PNOC: variants seen among roughly 807,000 people sequenced by gnomAD.
PNOC encodes the protein nociceptin.
PNOC carries 10 observed loss-of-function variants against 15.6 expected under a neutral mutation model. That is an observed-to-expected ratio of 0.64 (90% confidence interval 0.40 to 1.09). PNOC has a LOEUF of 1.09. Among genes scored for constraint, PNOC ranks in the 50% least tolerant of loss-of-function variants. PNOC has a pLI of 0.01. For missense variants in PNOC, 220 were observed against 223.9 expected (o/e 0.98, Z 0.11); for synonymous variants, 98 against 88.5 (o/e 1.11, Z -0.60).
At chr8:28,318,778 C>T (rs953034944) in intron 1 of PNOC, among the ~76,000 whole-genome samples, 4 of 152,222 alleles carry the variant, frequency 2.6e-5, no homozygotes, top group African/African-American at 7.2e-5. Context: ...GGTACAGCCT[C>T]GGGTCATTTT....
chr8:28,339,599 C>G, intron 3 of PNOC, 108 bp downstream of exon 3: 1 of 867,546 alleles, frequency 1.2e-6, no homozygotes, highest in Non-Finnish European at 1.6e-6. Flanking sequence ...CCCCTCCCCA[C>G]TCCACACACA....
At position 28,342,988 on chromosome 8, in the gene PNOC, C is replaced by T. The variant is rs1741794081; in HGVS notation, c.*94C>T. 3 of 985,412 alleles carry T rather than the reference C, an allele frequency of 3.0e-6. No individual in the cohort carries two copies. Among genetic ancestry groups the T allele is most frequent in the Non-Finnish European group, 3.6e-6 (3 of 829,866 alleles). The allele number at this position is 985,412 out of a possible 1,614,324, so 61.0% of individuals were successfully genotyped here. A position where few individuals can be genotyped will look rare whatever the true frequency, so the allele number is the denominator to read the frequency against. On this transcript the variant is annotated 3_prime_UTR_variant, in exon 4 of 4. Coordinates refer to ENST00000301908, the MANE Select transcript of PNOC (RefSeq NM_006228.5). ...CAGCATGTGCTCAGCCCCAGACCTGCCGCCTGGGAATCAGGATTCCTTCTT... is the reference window on the plus strand; with the variant it reads ...CAGCATGTGCTCAGCCCCAGACCTGTCGCCTGGGAATCAGGATTCCTTCTT...
intron 2 of PNOC, among the ~76,000 whole-genome samples, chr8:28,333,181 G>A (rs1801355965): frequency 6.6e-6 from 1 of 152,144 alleles, no homozygotes. Flanking sequence ...ACTCTTTAGT[G>A]GCAGAAACTT....
intron 1 of PNOC, among the ~76,000 whole-genome samples, chr8:28,328,333 C>T (rs1801260986): frequency 1.3e-5 from 2 of 152,108 alleles, no homozygotes; most frequent in African/African-American, 4.8e-5. Context: ...CTGCCCTGGC[C>T]TCCCAAAGTT....
At chr8:28,319,081 A>G (rs1457453175) in intron 1 of PNOC, among the ~76,000 whole-genome samples, 1 of 151,610 alleles carries the variant, frequency 6.6e-6, no homozygotes, top group African/African-American at 2.4e-5. Context: ...CATTTGTACA[A>G]CGATTTAGGC....
At chr8:28,320,092 CTTTTTTTTTT>C (rs34876964) in intron 1 of PNOC, among the ~76,000 whole-genome samples, 471 of 29,698 alleles carry the variant, frequency 0.016, 4 homozygotes, top group Middle Eastern at 0.083. Flanking sequence ...TTCTTTCTTT[CTTTTTTTTTT>C]TTTTTTTTTT....
intron 1 of PNOC, among the ~76,000 whole-genome samples, chr8:28,324,466 T>C (rs1345474660): frequency 6.6e-6 from 1 of 152,208 alleles, no homozygotes; most frequent in Non-Finnish European, 1.5e-5. Context: ...TTCCCTTTCT[T>C]CTGCGACGTA....
chr8:28,337,886 C>T (rs1321343719), intron 2 of PNOC, among the ~76,000 whole-genome samples: 3 of 152,090 alleles, frequency 2.0e-5, no homozygotes, highest in South Asian at 4.1e-4. Context: ...CCACCGCACC[C>T]GGCCTACACT....
At chr8:28,324,730 G>A (rs987669656) in intron 1 of PNOC, among the ~76,000 whole-genome samples, 1 of 152,096 alleles carries the variant, frequency 6.6e-6, no homozygotes, top group East Asian at 1.9e-4. Flanking sequence ...GGGGGTGGTG[G>A]TGCACTCCTG....
chr8:28,326,378 TAACA>T (rs755749450), intron 1 of PNOC, among the ~76,000 whole-genome samples: 41 of 152,154 alleles, frequency 2.7e-4, no homozygotes, highest in Middle Eastern at 3.4e-3. Flanking sequence ...TTCATTGATT[TAACA>T]AACACTTATT....
chr8:28,338,975 T>G, intron 2 of PNOC, 65 bp from the exon 3 acceptor site: 2 of 1,400,588 alleles, frequency 1.4e-6, no homozygotes, highest in Non-Finnish European at 1.9e-6. Flanking sequence ...CCAGATCTCC[T>G]CCCTCGCCCT....
At chr8:28,325,839 T>A (rs976095929) in intron 1 of PNOC, among the ~76,000 whole-genome samples, 1 of 151,954 alleles carries the variant, frequency 6.6e-6, no homozygotes, top group Non-Finnish European at 1.5e-5. Flanking sequence ...ATAAAATTAG[T>A]TTAAATATAA....
chr8:28,339,446 C>G lies in PNOC; in HGVS notation c.*2C>G. 1 of 1,523,582 alleles carries G rather than the reference C, an allele frequency of 6.6e-7. No individual in the cohort carries two copies. The highest frequency in any genetic ancestry group is 8.8e-7 in the Non-Finnish European group (1 of 1,132,994). The allele number at this position is 1,523,582 out of a possible 1,614,324, so 94.4% of individuals were successfully genotyped here. A position where few individuals can be genotyped will look rare whatever the true frequency, so the allele number is the denominator to read the frequency against. On this transcript the variant is annotated 3_prime_UTR_variant, in exon 3 of 4. Transcript: ENST00000301908. ...CTGCACCAGAATGGTAATGTGTAGC[C>G]GGAAGGGGCGCTCCTCCCAGCTGTA...
At position 28,323,966 on chromosome 8, in the gene PNOC, G is replaced by C. The variant is rs1452784391; in HGVS notation, c.-23-5169G>C. ...ATTTTGCAGATTCTGTGAATTGCAGGGGGGAATGGATAGCATTGAATATGG... is the reference window on the plus strand; with the variant it reads ...ATTTTGCAGATTCTGTGAATTGCAGCGGGGAATGGATAGCATTGAATATGG... On this transcript the variant is annotated intron_variant, in intron 1 of 3. Transcript: ENST00000301908. Among the ~76,000 whole-genome samples the C allele has an allele frequency of 2.0e-5, 3 of 152,210 alleles. No homozygotes were observed. In the East Asian group the frequency reaches 5.8e-4, roughly 29 times the overall value.
chr8:28,330,381 A>ATTTTTTTTT (rs1801302142), intron 2 of PNOC, among the ~76,000 whole-genome samples: 1 of 62,852 alleles, frequency 1.6e-5, no homozygotes, highest in African/African-American at 4.4e-5. Flanking sequence ...ATTTTATTTT[A>ATTTTTTTTT]TTTTATTTTA....
At chr8:28,342,573 G>A (rs1341220950) in intron 3 of PNOC, among the ~76,000 whole-genome samples, 1 of 152,072 alleles carries the variant, frequency 6.6e-6, no homozygotes, top group Non-Finnish European at 1.5e-5. Context: ...ATTCATTCGT[G>A]GTCAGGTTAT....
Position 28,339,450 on chromosome 8 carries a change from AG to A in PNOC, c.*10del. 1.3e-6 allele frequency: 2 copies of A among 1,523,232 alleles called. No individual in the cohort carries two copies. The highest frequency in any genetic ancestry group is 2.6e-5 in the South Asian group (2 of 78,376). 94.4% of individuals were successfully genotyped at this position (1,523,232 alleles called of 1,614,324 possible). ...ACCAGAATGGTAATGTGTAGCCGGA[AG>A]GGGCGCTCCTCCCAGCTGTACCGGC... On this transcript the variant is annotated 3_prime_UTR_variant, in exon 3 of 4. Coordinates refer to ENST00000301908, the MANE Select transcript of PNOC (RefSeq NM_006228.5).
intron 2 of PNOC, among the ~76,000 whole-genome samples, chr8:28,330,816 C>T (rs1427167991): frequency 2.0e-5 from 3 of 152,098 alleles, no homozygotes; most frequent in African/African-American, 7.2e-5. Flanking sequence ...TTAACTTTTT[C>T]TTCATTAAAT....
chr8:28,321,876 C>T (rs59032737), intron 1 of PNOC, among the ~76,000 whole-genome samples: 2,037 of 152,282 alleles, frequency 0.013, 43 homozygotes, highest in African/African-American at 0.047. Context: ...AGAGGAGAGA[C>T]ACTTGAAGTG....
Sources: allele counts gnomAD v4.1 joint callset (sites outside exome capture counted in the v4.1 genomes callset), GRCh38; gene constraint gnomAD v4.1.1; transcripts MANE v1.5; gene names NCBI Gene and HGNC (gene_info 2026-07-23, HGNC 2026-07-21).